The following PPOX variants were observed in gnomAD, a reference collection of about 807,000 sequenced individuals.
PPOX encodes protoporphyrinogen oxidase, also known as variegate porphyria.
A neutral mutation model predicts 54.1 loss-of-function variants in PPOX; 23 were observed. The ratio of observed to expected loss-of-function variants is 0.43; its 90% CI spans 0.31 to 0.60. PPOX has a LOEUF of 0.60. PPOX is among the 20% of genes least tolerant of loss of function. The probability of loss-of-function intolerance (pLI) is 0.13; values close to 1 mark genes in which losing one functional copy is unlikely to be tolerated. For synonymous variants in PPOX, 224 were observed against 236.1 expected (o/e 0.95, Z 0.47); for missense variants, 512 against 601.1 (o/e 0.85, Z 1.55).
Position 161,167,448 on chromosome 1 carries a change from C to T in PPOX, c.300C>T (p.Tyr100=), listed in dbSNP as rs375823037. The part of the protein sequence containing the change: ...DHPAAQNRFL[Y]VGGALHALPT... ...CAGCTGCCCAGAACAGGTTCCTCTACGTGGGCGGTGCCCTGCATGCCCTAC... is the reference window on the plus strand; with the variant it reads ...CAGCTGCCCAGAACAGGTTCCTCTATGTGGGCGGTGCCCTGCATGCCCTAC... Residue 100 remains tyrosine (Y), a synonymous_variant, in exon 4 of 13, where the codon TAC becomes TAT. Coordinates refer to ENST00000367999, the MANE Select transcript of PPOX (RefSeq NM_001122764.3). 3.1e-6 allele frequency: 5 copies of T among 1,612,824 alleles called. No homozygotes were observed. In the African/African-American group the frequency reaches 5.3e-5, roughly 17 times the overall value.
intron 4 of PPOX, 91 bp from the exon 5 acceptor site, chr1:161,167,904 A>G: frequency 6.3e-7 from 1 of 1,596,256 alleles, no homozygotes. Context: ...TTCCCAGCAA[A>G]AGGAAGCCAA....
upstream of PPOX, chr1:161,166,242 T>A: frequency 1.0e-6 from 1 of 965,460 alleles, no homozygotes; most frequent in Non-Finnish European, 1.2e-6. Context: ...AGGAGGGCAG[T>A]GACGGGTACG....
downstream of PPOX, chr1:161,175,088 G>A (rs761787366): frequency 1.7e-5 from 28 of 1,614,102 alleles, no homozygotes; most frequent in African/African-American, 2.7e-5. Context: ...TCCCGGGCAC[G>A]ATGAGGCACA....
At chr1:161,175,844 C>T, downstream of PPOX, 1 of 1,614,126 alleles carries the variant, frequency 6.2e-7, no homozygotes, top group Non-Finnish European at 8.5e-7. Flanking sequence ...TAGGGCAGAC[C>T]TTGAGGAGCT....
At position 161,170,696 on chromosome 1, in the gene PPOX, G is replaced by A. The variant is rs1001703993; in HGVS notation, c.1175G>A (p.Arg392Gln). 2.3e-5 allele frequency: 37 copies of A among 1,614,014 alleles called. No individual in the cohort carries two copies. Among genetic ancestry groups the A allele is most frequent in the African/African-American group, 6.7e-5 (5 of 74,902 alleles). ...TTATCTCAGGAGCTGTTTCAACAGC[G>A]GGCCCAGGAAGCAGCTGCTACACAA... ...CVLSQELFQQ[R>Q]AQEAAATQLG... is the part of the protein sequence containing the mutation. Residue 392 changes from arginine to glutamine, a missense_variant, in exon 11 of 13, where the codon CGG (arginine) becomes CAG (glutamine). Arg to Gln is a conservative substitution (Grantham distance 43). Transcript: ENST00000367999.
downstream of PPOX, chr1:161,176,015 C>T (rs771584034): frequency 1.2e-5 from 20 of 1,614,000 alleles, no homozygotes; most frequent in Non-Finnish European, 1.0e-5. Flanking sequence ...TGGGAGCCCA[C>T]AAGCAGGGCC....
chr1:161,174,382 TG>T (rs1240418858), downstream of PPOX, among the ~76,000 whole-genome samples: 1 of 134,374 alleles, frequency 7.4e-6, no homozygotes, highest in Non-Finnish European at 1.6e-5. Context: ...CACTCCAGCC[TG>T]GGGGACAGAG....
At chr1:161,171,335 AAT>A, downstream of PPOX, 1 of 1,228,706 alleles carries the variant, frequency 8.1e-7, no homozygotes. Flanking sequence ...TTTATTAGAA[AAT>A]ATATCAAAAT....
downstream of PPOX, chr1:161,174,844 G>A (rs1444402218): frequency 1.3e-6 from 1 of 765,782 alleles, no homozygotes; most frequent in African/African-American, 1.8e-5. Context: ...AACAAAGTTG[G>A]AAGAGCAGTG....
In PPOX at chr1:161,176,801, T is replaced by A. The variant is rs189725714; in HGVS notation, c.373-48T>A. On this transcript the variant is annotated intron_variant, in intron 4 of 4. Transcript: ENST00000497522. ...CGTACCCCCACCCCAACAGGACAGA[T>A]TGGGGAGTGGGGACAGGACAGCTAA... The A allele has an allele frequency of 8.7e-6, 13 of 1,489,472 alleles. No homozygotes were observed. The East Asian group carries it at 1.7e-4, about 20-fold the overall frequency. 92.3% of individuals were successfully genotyped at this position (1,489,472 alleles called of 1,614,324 possible).
At chr1:161,174,720 T>A (rs1370600883), downstream of PPOX, among the ~76,000 whole-genome samples, 2 of 152,230 alleles carry the variant, frequency 1.3e-5, no homozygotes, top group African/African-American at 4.8e-5. Context: ...ACTAGAATTT[T>A]AGCCCTATTG....
chr1:161,175,686 A>G (rs1324499517), downstream of PPOX: 8 of 1,421,292 alleles, frequency 5.6e-6, no homozygotes, highest in Non-Finnish European at 7.7e-6. Context: ...GCCTACCTGC[A>G]GCCTCAGCCT....
downstream of PPOX, chr1:161,177,449 G>C (rs959080733): frequency 8.7e-5 from 15 of 173,052 alleles, no homozygotes; most frequent in Admixed American, 1.8e-4. Context: ...TGTCGTCACC[G>C]CCACCCCAAC....
At chr1:161,166,037 C>T, upstream of PPOX, 1 of 960,640 alleles carries the variant, frequency 1.0e-6, no homozygotes, top group South Asian at 4.8e-5. Context: ...TCCCGTAGGC[C>T]CGGTCTGTTG....
chr1:161,169,831 G>A, intron 8 of PPOX, 75 bp from the exon 9 acceptor site: 2 of 1,614,032 alleles, frequency 1.2e-6, no homozygotes, highest in Admixed American at 3.3e-5. Flanking sequence ...TCATCTCTAT[G>A]GGAGTCTAAT....
chr1:161,176,325 G>A (rs1315343279), intron 4 of PPOX: 3 of 561,350 alleles, frequency 5.3e-6, no homozygotes, highest in South Asian at 4.4e-5. Flanking sequence ...ACCATCTACT[G>A]TCAGTCCTCA....
chr1:161,173,555 A>T (rs1019803636), downstream of PPOX: 8 of 1,611,792 alleles, frequency 5.0e-6, no homozygotes, highest in East Asian at 1.3e-4. Context: ...GTCTTAGAGG[A>T]CAGGGATCCA....
chr1:161,167,338 G>C (rs779903680), intron 3 of PPOX, 33 bp from the exon 4 acceptor site: 1 of 1,614,028 alleles, frequency 6.2e-7, no homozygotes, highest in Non-Finnish European at 8.5e-7. Context: ...TCTTCCCTTA[G>C]TTTCTCCTCT....
At chr1:161,166,162 T>C (rs1003929818), upstream of PPOX, 1 of 984,222 alleles carries the variant, frequency 1.0e-6, no homozygotes, top group African/African-American at 1.7e-5. Flanking sequence ...GTTGTCACCC[T>C]AGCTGGACCT....
Sources: gnomAD v4.1 joint callset for allele counts (sites outside exome capture counted in the v4.1 genomes callset) on GRCh38, gnomAD v4.1.1 for gene constraint, MANE v1.5 for transcripts, NCBI Gene and HGNC (gene_info 2026-07-23, HGNC 2026-07-21) for gene names.